SH2D4A: variants seen among roughly 807,000 people sequenced by gnomAD.
The protein encoded by SH2D4A is SH2 domain-containing protein 4A.
A neutral mutation model predicts 64.7 loss-of-function variants in SH2D4A; 70 were observed. That is an observed-to-expected ratio of 1.08 (90% CI 0.89 to 1.32). The LOEUF is 1.32. Among genes scored for constraint, SH2D4A ranks in the 40% most tolerant of loss-of-function variants. The pLI is 0.00. For synonymous variants in SH2D4A, 268 were observed against 200.7 expected (o/e 1.34, Z -2.83); for missense variants, 706 against 540.1 (o/e 1.31, Z -3.04).
intron 7 of SH2D4A, among the ~76,000 whole-genome samples, chr8:19,372,197 G>C (rs529237348): frequency 9.9e-5 from 15 of 152,254 alleles, no homozygotes; most frequent in African/African-American, 3.4e-4. Context: ...AAATTCTAAA[G>C]CAACTTAGAA....
intron 8 of SH2D4A, among the ~76,000 whole-genome samples, chr8:19,376,387 C>T (rs1425546414): frequency 1.3e-5 from 2 of 152,040 alleles, no homozygotes; most frequent in Admixed American, 6.6e-5. Context: ...TTTGGAAGGC[C>T]GAGGCAGGCG....
At chr8:19,374,454 G>A (rs2053160756) in intron 8 of SH2D4A, among the ~76,000 whole-genome samples, 2 of 152,162 alleles carry the variant, frequency 1.3e-5, no homozygotes, top group Admixed American at 1.3e-4. Flanking sequence ...CCCTCCCAGA[G>A]TATGTTTGTC....
chr8:19,391,335 G>C (rs1444049409), intron 8 of SH2D4A, among the ~76,000 whole-genome samples: 1 of 152,224 alleles, frequency 6.6e-6, no homozygotes, highest in East Asian at 1.9e-4. Flanking sequence ...CATGGGGATA[G>C]TGGAGCATCT....
At chr8:19,346,002 A>G (rs1453581911) in intron 4 of SH2D4A, among the ~76,000 whole-genome samples, 3 of 152,250 alleles carry the variant, frequency 2.0e-5, no homozygotes, top group East Asian at 3.8e-4. Context: ...CTATGCACGC[A>G]TGACAATCTT....
At chr8:19,323,661 G>A (rs2052227620) in intron 2 of SH2D4A, among the ~76,000 whole-genome samples, 1 of 152,202 alleles carries the variant, frequency 6.6e-6, no homozygotes, top group South Asian at 2.1e-4. Context: ...GATTACAGGT[G>A]TGAGCCAGGG....
intron 4 of SH2D4A, among the ~76,000 whole-genome samples, chr8:19,347,660 A>G (rs2052634004): frequency 6.6e-6 from 1 of 152,222 alleles, no homozygotes; most frequent in Non-Finnish European, 1.5e-5. Flanking sequence ...TCTCCAGAGA[A>G]TTCTTCATTA....
At chr8:19,351,964 G>A (rs752586333) in intron 4 of SH2D4A, among the ~76,000 whole-genome samples, 2 of 152,028 alleles carry the variant, frequency 1.3e-5, no homozygotes, top group African/African-American at 4.8e-5. Context: ...TTGTACTTTC[G>A]TAGAGATGGG....
At chr8:19,352,950 C>T (rs762831640) in intron 4 of SH2D4A, among the ~76,000 whole-genome samples, 11 of 152,124 alleles carry the variant, frequency 7.2e-5, no homozygotes, top group Non-Finnish European at 1.3e-4. Flanking sequence ...GTTGAGGCTG[C>T]AGTGAGCCCT....
chr8:19,377,686 T>TAC (rs922698611), intron 8 of SH2D4A, among the ~76,000 whole-genome samples: 2 of 151,936 alleles, frequency 1.3e-5, no homozygotes, highest in African/African-American at 4.9e-5. Context: ...TATATATATA[T>TAC]ACACACACAT....
intron 8 of SH2D4A, among the ~76,000 whole-genome samples, chr8:19,383,855 A>C (rs2053340964): frequency 6.6e-6 from 1 of 152,194 alleles, no homozygotes; most frequent in Non-Finnish European, 1.5e-5. Context: ...TTAAAATGTA[A>C]TCACTAGATT....
intron 4 of SH2D4A, among the ~76,000 whole-genome samples, chr8:19,336,546 T>C (rs1481901274): frequency 6.6e-6 from 1 of 151,940 alleles, no homozygotes; most frequent in Non-Finnish European, 1.5e-5. Context: ...ACAAGAAAGC[T>C]CCTTCCAGAG....
At position 19,364,263 on chromosome 8, in the gene SH2D4A, T is replaced by C; in HGVS notation, c.898T>C (p.Tyr300His). 1 of 1,614,150 alleles carries C rather than the reference T, an allele frequency of 6.2e-7. No homozygotes were observed. Among genetic ancestry groups the C allele is most frequent in the Non-Finnish European group, 8.5e-7 (1 of 1,179,988 alleles). ...PKPQFLNSGAYPQKPLRNQGV... is the reference protein window; with the variant it reads ...PKPQFLNSGAHPQKPLRNQGV... ...GCCTCAGTTCCTAAACTCAGGGGCATATCCTCAAAAACCTCTTAGGTAAGA... is the reference window on the plus strand; with the variant it reads ...GCCTCAGTTCCTAAACTCAGGGGCACATCCTCAAAAACCTCTTAGGTAAGA... The change falls in exon 7 of 10, where the codon TAT becomes CAT. Residue 300 changes from tyrosine (Y) to histidine (H), a missense_variant. Tyr to His is a moderately conservative substitution (Grantham distance 83). Transcript: ENST00000265807.
chr8:19,327,117 G>A (rs1563185410), intron 2 of SH2D4A, among the ~76,000 whole-genome samples: 2 of 152,310 alleles, frequency 1.3e-5, no homozygotes, highest in East Asian at 3.9e-4. Context: ...ATGAAGTGTG[G>A]ATGTATCTCT....
intron 8 of SH2D4A, among the ~76,000 whole-genome samples, chr8:19,380,834 C>T (rs574827272): frequency 3.9e-4 from 59 of 152,012 alleles, no homozygotes; most frequent in Admixed American, 1.6e-3. Context: ...TCTTCTTTTT[C>T]GGGAGTGTTT....
intron 8 of SH2D4A, chr8:19,375,526 G>A (rs1585199087): frequency 1.3e-5 from 2 of 152,238 alleles, no homozygotes; most frequent in East Asian, 3.9e-4. Flanking sequence ...GTAAGGATGT[G>A]AGTGGGTAGG....
At chr8:19,335,664 C>G (rs2052434507) in intron 4 of SH2D4A, among the ~76,000 whole-genome samples, 1 of 152,316 alleles carries the variant, frequency 6.6e-6, no homozygotes, top group South Asian at 2.1e-4. Context: ...TTACATTCTA[C>G]TGAGTCTTAG....
rs191083153 is a variant in SH2D4A at position 19,394,677 on chromosome 8, C to A, written c.*35C>A. ...TCAGGGTCATCCTACAGCCTCCAAGCGGGCTTTCCCCTGGACAAATGCCAC... is the reference window on the plus strand; with the variant it reads ...TCAGGGTCATCCTACAGCCTCCAAGAGGGCTTTCCCCTGGACAAATGCCAC... On this transcript the variant is annotated 3_prime_UTR_variant, in exon 10 of 10. Transcript: ENST00000265807. 3 of 1,543,872 alleles carry A rather than the reference C, an allele frequency of 1.9e-6. No individual in the cohort carries two copies. The highest frequency in any genetic ancestry group is 1.2e-5 in the South Asian group (1 of 84,114).
At chr8:19,369,216 G>T (rs190338715) in intron 7 of SH2D4A, among the ~76,000 whole-genome samples, 1 of 152,110 alleles carries the variant, frequency 6.6e-6, no homozygotes, top group Non-Finnish European at 1.5e-5. Flanking sequence ...TTGATGTGCT[G>T]TTGGATTTGG....
At chr8:19,357,908 G>A (rs2052818949) in intron 5 of SH2D4A, among the ~76,000 whole-genome samples, 1 of 152,140 alleles carries the variant, frequency 6.6e-6, no homozygotes, top group South Asian at 2.1e-4. Flanking sequence ...CGTAAGATGT[G>A]AGCCTGTGAA....
Sources: allele counts gnomAD v4.1 joint callset (sites outside exome capture counted in the v4.1 genomes callset), GRCh38; gene constraint gnomAD v4.1.1; transcripts MANE v1.5; gene names NCBI Gene and HGNC (gene_info 2026-07-23, HGNC 2026-07-21).